Variants in UGT1A5 observed in about 807,000 individuals in gnomAD.
The protein encoded by UGT1A5 is UDP-glucuronosyltransferase 1A5.
A neutral mutation model predicts 40.3 loss-of-function variants in UGT1A5; 29 were observed. The observed-to-expected ratio is 0.72, with a 90% CI of 0.54 to 0.98. UGT1A5 has a LOEUF of 0.98. UGT1A5 is among the 50% of genes least tolerant of loss of function. The pLI, the probability that UGT1A5 is intolerant of heterozygous loss-of-function variation, is 0.00. For synonymous variants in UGT1A5, 257 were observed against 262.5 expected (o/e 0.98, Z 0.20); for missense variants, 678 against 677.9 (o/e 1.00, Z 0.00).
chr2:233,729,424 T>C lies in UGT1A5; in HGVS notation c.867+15566T>C, dbSNP rs371703949. 59 of 1,613,782 alleles carry C rather than the reference T, an allele frequency of 3.7e-5. No homozygotes were observed. The highest frequency in any genetic ancestry group is 4.8e-5 in the Non-Finnish European group (57 of 1,179,838). ...CCATGTGCTGGGCCACACTCAACTGTACTTTGAAACAGAACATTTTCTGAA... is the reference window on the plus strand; with the variant it reads ...CCATGTGCTGGGCCACACTCAACTGCACTTTGAAACAGAACATTTTCTGAA... On this transcript the variant is annotated intron_variant, in intron 1 of 4. Coordinates refer to ENST00000373414, the MANE Select transcript of UGT1A5 (RefSeq NM_019078.2).
chr2:233,751,263 C>A (rs1694683349), intron 1 of UGT1A5, among the ~76,000 whole-genome samples: 1 of 151,922 alleles, frequency 6.6e-6, no homozygotes, highest in African/African-American at 2.4e-5. Context: ...CCTGTAGCCC[C>A]CTTTTTTTGG....
At chr2:233,724,345 C>CT (rs2077231135) in intron 1 of UGT1A5, among the ~76,000 whole-genome samples, 1 of 148,054 alleles carries the variant, frequency 6.8e-6, no homozygotes, top group African/African-American at 2.5e-5. Context: ...GGCTGACCCC[C>CT]CCCACCTCCC....
At chr2:233,725,353 T>G in intron 1 of UGT1A5, among the ~76,000 whole-genome samples, 1 of 141,520 alleles carries the variant, frequency 7.1e-6, no homozygotes, top group African/African-American at 2.6e-5. Flanking sequence ...TAAGAATGTT[T>G]CTTATGAAGA....
intron 1 of UGT1A5, chr2:233,718,776 G>T (rs2076682469): frequency 6.2e-6 from 10 of 1,612,920 alleles, no homozygotes; most frequent in Non-Finnish European, 8.5e-6. Context: ...AATGTAGCAG[G>T]CACAGCGTGG....
chr2:233,718,144 T>C (rs2076632951), intron 1 of UGT1A5: 2 of 232,512 alleles, frequency 8.6e-6, no homozygotes, highest in Non-Finnish European at 1.8e-5. Context: ...GAATCCTCAA[T>C]AAAGCCTTCC....
At chr2:233,768,582 CTTT>C (rs139595073) in intron 4 of UGT1A5, 143 bp downstream of exon 4, 59,155 of 999,984 alleles carry the variant, frequency 0.059, 10 homozygotes, top group East Asian at 0.12. Flanking sequence ...TTTATTTCTT[CTTT>C]TTTTTTTTTT....
At chr2:233,760,630 A>G (rs759620086) in intron 1 of UGT1A5, 1 of 1,614,164 alleles carries the variant, frequency 6.2e-7, no homozygotes, top group South Asian at 1.1e-5. Flanking sequence ...AACATACAAG[A>G]AAATAAAAAA....
intron 1 of UGT1A5, among the ~76,000 whole-genome samples, chr2:233,723,730 C>G (rs1044734705): frequency 1.3e-5 from 1 of 79,384 alleles, no homozygotes; most frequent in Non-Finnish European, 2.2e-5. Flanking sequence ...TTGGTGATGA[C>G]TCTTAACGAG....
chr2:233,720,427 G>C (rs2076857980), intron 1 of UGT1A5, among the ~76,000 whole-genome samples: 1 of 152,044 alleles, frequency 6.6e-6, no homozygotes, highest in Non-Finnish European at 1.5e-5. Context: ...GAGGAGATAA[G>C]ACCGTGAATC....
Position 233,767,897 on chromosome 2 carries a change from A to G in UGT1A5, c.1048A>G (p.Thr350Ala). Residue 350 changes from threonine to alanine, a missense_variant, in exon 3 of 5, where the codon ACG becomes GCG. Thr to Ala is a moderately conservative substitution (Grantham distance 58). Transcript: ENST00000373414. ...CCGACCATCGAATCTTGCGAACAAC[A>G]CGATACTTGTTAAGTGGCTACCCCA... is the stretch of plus-strand genomic sequence containing the variant. The part of the protein sequence containing the change: ...GTRPSNLANN[T>A]ILVKWLPQND... The G allele has an allele frequency of 1.9e-6, 3 of 1,614,178 alleles. No homozygotes were observed. Among genetic ancestry groups the G allele is most frequent in the Non-Finnish European group, 1.7e-6 (2 of 1,180,044 alleles).
rs61764030 is a variant in UGT1A5, at chr2:233,729,599, C to T, written c.867+15741C>T. ...TTAACAGACCCCGTTAACCTCTGCG[C>T]GGCAGTGCTGGCTAAGTACCTGTCG... On this transcript the variant is annotated intron_variant, in intron 1 of 4. Coordinates refer to ENST00000373414, the MANE Select transcript of UGT1A5 (RefSeq NM_019078.2). The T allele has an allele frequency of 2.7e-3, 4,298 of 1,614,002 alleles. 9 individuals carry two copies. Among genetic ancestry groups the T allele is most frequent in the Admixed American group, 4.7e-3 (282 of 60,020 alleles).
intron 1 of UGT1A5, among the ~76,000 whole-genome samples, chr2:233,766,742 G>T (rs1249550835): frequency 6.6e-6 from 1 of 152,146 alleles, no homozygotes; most frequent in African/African-American, 2.4e-5. Context: ...GTATGTACAG[G>T]TGTGTGCATG....
chr2:233,755,452 CTGGCCCTGCTCTCTGTGAGGCTCTGTG>C (rs1695924346), intron 1 of UGT1A5: 1 of 306,254 alleles, frequency 3.3e-6, no homozygotes, highest in Admixed American at 4.3e-5. Flanking sequence ...GCTCCTGGGA[CTGGCCCTGCTCTCTGTGAGGCTCTGTG>C]AGGCCCTGTG....
At chr2:233,719,789 A>T in intron 1 of UGT1A5, 1 of 1,609,250 alleles carries the variant, frequency 6.2e-7, no homozygotes, top group South Asian at 1.1e-5. Context: ...CTTTCCAAAG[A>T]TTTTATTTTG....
chr2:233,769,716 A>G lies in UGT1A5; in HGVS notation c.1307+1277A>G, dbSNP rs1255233011. 6.7e-7 allele frequency: 1 copy of G among 1,492,612 alleles called. No individual in the cohort carries two copies. Among genetic ancestry groups the G allele is most frequent in the East Asian group, 2.5e-5 (1 of 40,446 alleles). The allele number at this position is 1,492,612 out of a possible 1,614,324, so 92.5% of individuals were successfully genotyped here. A position where few individuals can be genotyped will look rare whatever the true frequency, so the allele number is the denominator to read the frequency against. Reference sequence around the variant, plus strand: ...GATAAAAGATCAATGTTGGCTAGGCACCATGGCACACGCCTGTAGTCCCAG... The same window carrying G: ...GATAAAAGATCAATGTTGGCTAGGCGCCATGGCACACGCCTGTAGTCCCAG... On this transcript the variant is annotated intron_variant, in intron 4 of 4. Coordinates refer to ENST00000373414, the MANE Select transcript of UGT1A5 (RefSeq NM_019078.2). The surrounding 1 kb of genome is among the most constrained non-coding windows in gnomAD (Gnocchi z 4.4).
intron 1 of UGT1A5, among the ~76,000 whole-genome samples, chr2:233,723,417 T>C (rs2077082381): frequency 7.4e-6 from 1 of 134,694 alleles, no homozygotes; most frequent in African/African-American, 3.0e-5. Flanking sequence ...ACCATACTGG[T>C]CAGGCTGGTC....
intron 1 of UGT1A5, among the ~76,000 whole-genome samples, chr2:233,726,404 T>C (rs1458945930): frequency 6.6e-6 from 1 of 152,210 alleles, no homozygotes; most frequent in Non-Finnish European, 1.5e-5. Flanking sequence ...TCTTTTGATG[T>C]CAGCATTCTG....
At chr2:233,719,666 C>CA in intron 1 of UGT1A5, 22 of 1,614,092 alleles carry the variant, frequency 1.4e-5, no homozygotes, top group Non-Finnish European at 1.9e-5. Context: ...TCAACTGTGC[C>CA]AACGGGAAGC....
chr2:233,747,299 G>A, intron 1 of UGT1A5: 1 of 1,602,106 alleles, frequency 6.2e-7, no homozygotes, highest in Non-Finnish European at 8.5e-7. Flanking sequence ...GCTGAGAGTG[G>A]GAAGGTGCTG....
Sources: allele counts gnomAD v4.1 joint callset (sites outside exome capture counted in the v4.1 genomes callset), GRCh38; gene constraint gnomAD v4.1.1; non-coding constraint Gnocchi (gnomAD v3.1); transcripts MANE v1.5; gene names NCBI Gene and HGNC (gene_info 2026-07-23, HGNC 2026-07-21).